The following VAV3 variants were observed in gnomAD, a reference collection of about 807,000 sequenced individuals.
The protein encoded by VAV3 is vav guanine nucleotide exchange factor 3, also known as guanine nucleotide exchange factor VAV3.
A neutral mutation model predicts 131.2 loss-of-function variants in VAV3; 94 were observed. The ratio of observed to expected loss-of-function variants is 0.72; its 90% confidence interval spans 0.61 to 0.85. The LOEUF is 0.85. Among genes scored for constraint, VAV3 ranks in the 40% least tolerant of loss-of-function variants. VAV3 has a pLI of 0.00. For missense variants in VAV3, 939 were observed against 1,002.7 expected (o/e 0.94, Z 0.86); for synonymous variants, 349 against 342.0 (o/e 1.02, Z -0.22).
intron 19 of VAV3, among the ~76,000 whole-genome samples, chr1:107,675,347 C>T (rs149688251): frequency 7.9e-5 from 12 of 152,186 alleles, no homozygotes; most frequent in African/African-American, 2.2e-4. Context: ...GAGATGGCTG[C>T]TACTATTACT....
chr1:107,913,722 A>G (rs528152255), intron 1 of VAV3, among the ~76,000 whole-genome samples: 22 of 152,342 alleles, frequency 1.4e-4, no homozygotes, highest in Non-Finnish European at 2.8e-4. Context: ...AGGAATCATC[A>G]ACCTTGGCAG....
At chr1:107,786,585 G>A (rs533940636) in intron 2 of VAV3, among the ~76,000 whole-genome samples, 4 of 152,284 alleles carry the variant, frequency 2.6e-5, no homozygotes, top group Admixed American at 6.5e-5. Flanking sequence ...TATTTCTAAC[G>A]TCATCATCAC....
At chr1:107,857,726 G>A (rs574121976) in intron 2 of VAV3, among the ~76,000 whole-genome samples, 1 of 152,258 alleles carries the variant, frequency 6.6e-6, no homozygotes, top group South Asian at 2.1e-4. Context: ...AGGGGGGGAA[G>A]TTATCGACTG....
chr1:107,855,396 C>A (rs1669423362), intron 2 of VAV3, among the ~76,000 whole-genome samples: 1 of 152,172 alleles, frequency 6.6e-6, no homozygotes, highest in Non-Finnish European at 1.5e-5. Context: ...CCCACCTCAG[C>A]CTCCTGAGTA....
intron 1 of VAV3, among the ~76,000 whole-genome samples, chr1:107,883,289 T>A (rs1368270054): frequency 6.6e-6 from 1 of 152,194 alleles, no homozygotes; most frequent in East Asian, 1.9e-4. Context: ...TGGTAATAAC[T>A]GTGCTTAACT....
intron 4 of VAV3, among the ~76,000 whole-genome samples, chr1:107,775,415 C>T (rs1456942983): frequency 1.3e-5 from 2 of 151,710 alleles, no homozygotes; most frequent in Admixed American, 1.3e-4. Flanking sequence ...CCTGTCTCTA[C>T]TAAAAATAAA....
intron 25 of VAV3, among the ~76,000 whole-genome samples, chr1:107,574,963 C>CTG (rs753834313): frequency 2.5e-3 from 199 of 81,172 alleles, no homozygotes; most frequent in African/African-American, 4.8e-3. Context: ...TTGAGTTTCT[C>CTG]TGTGTGTGTG....
chr1:107,948,200 C>T (rs1339010558), intron 1 of VAV3, among the ~76,000 whole-genome samples: 1 of 152,146 alleles, frequency 6.6e-6, no homozygotes, highest in African/African-American at 2.4e-5. Context: ...TGTACCCTCA[C>T]CTTTACGGAT....
At chr1:107,758,707 C>T (rs540036173) in intron 10 of VAV3, among the ~76,000 whole-genome samples, 4 of 152,282 alleles carry the variant, frequency 2.6e-5, no homozygotes, top group Non-Finnish European at 4.4e-5. Flanking sequence ...CTCTACCCTA[C>T]TCAGACTTCT....
intron 1 of VAV3, among the ~76,000 whole-genome samples, chr1:107,916,898 C>G (rs1160431284): frequency 1.3e-5 from 2 of 152,084 alleles, no homozygotes; most frequent in Non-Finnish European, 2.9e-5. Context: ...TTAGGGAAAA[C>G]TAGACACAAA....
At chr1:107,594,165 T>C (rs1167434863) in intron 25 of VAV3, among the ~76,000 whole-genome samples, 1 of 152,070 alleles carries the variant, frequency 6.6e-6, no homozygotes, top group Non-Finnish European at 1.5e-5. Flanking sequence ...TCTCTCCTTT[T>C]GAGTTGCTTT....
intron 19 of VAV3, among the ~76,000 whole-genome samples, chr1:107,665,750 C>T (rs1657364610): frequency 6.6e-6 from 1 of 152,162 alleles, no homozygotes; most frequent in Non-Finnish European, 1.5e-5. Flanking sequence ...CACTCTGTCC[C>T]AGCCTGATCC....
chr1:107,919,774 A>G (rs1672800977), intron 1 of VAV3, among the ~76,000 whole-genome samples: 1 of 152,188 alleles, frequency 6.6e-6, no homozygotes, highest in African/African-American at 2.4e-5. Flanking sequence ...TAACAGTTAA[A>G]CTATCTTATG....
chr1:107,699,735 CTCTT>C (rs950453993), intron 17 of VAV3, among the ~76,000 whole-genome samples: 6 of 152,198 alleles, frequency 3.9e-5, no homozygotes, highest in African/African-American at 1.2e-4. Flanking sequence ...TTCTTTCTCT[CTCTT>C]TTTTTTTTTA....
intron 1 of VAV3, among the ~76,000 whole-genome samples, chr1:107,878,076 T>A (rs1670591213): frequency 6.7e-6 from 1 of 149,430 alleles, no homozygotes; most frequent in Non-Finnish European, 1.5e-5. Flanking sequence ...GTTGAAAGAA[T>A]ACAATGAACA....
chr1:107,937,740 C>T (rs1442025705), intron 1 of VAV3, among the ~76,000 whole-genome samples: 1 of 152,112 alleles, frequency 6.6e-6, no homozygotes, highest in Non-Finnish European at 1.5e-5. Context: ...AATTAAAATT[C>T]ATAAAATTCT....
In VAV3 at chr1:107,875,091, A is replaced by C. The variant is rs375624258; in HGVS notation, c.205-74T>G. 40 of 1,253,396 alleles carry C rather than the reference A, an allele frequency of 3.2e-5. No individual in the cohort carries two copies. In the African/African-American group the frequency reaches 5.4e-4, roughly 17 times the overall value. The allele number at this position is 1,253,396 out of a possible 1,614,324, so 77.6% of individuals were successfully genotyped here. A position where few individuals can be genotyped will look rare whatever the true frequency, so the allele number is the denominator to read the frequency against. On this transcript the variant is annotated intron_variant, in intron 1 of 26. Transcript: ENST00000370056. ...CTATCCACCCTCTGTAACACTCAAG[A>C]CTGCTCTAAAAATGACAAGAAAGCA...
chr1:107,876,650 T>C (rs1042343124), intron 1 of VAV3, among the ~76,000 whole-genome samples: 5 of 152,110 alleles, frequency 3.3e-5, no homozygotes, highest in African/African-American at 9.7e-5. Context: ...CACTACTGAC[T>C]ACTTAAAAAA....
chr1:107,898,707 A>T (rs1671722354), intron 1 of VAV3, among the ~76,000 whole-genome samples: 1 of 152,210 alleles, frequency 6.6e-6, no homozygotes, highest in Non-Finnish European at 1.5e-5. Flanking sequence ...TTAAAAATGT[A>T]TCTCCTATAA....
Sources: gnomAD v4.1 joint callset for allele counts (sites outside exome capture counted in the v4.1 genomes callset) on GRCh38, gnomAD v4.1.1 for gene constraint, MANE v1.5 for transcripts, NCBI Gene and HGNC (gene_info 2026-07-23, HGNC 2026-07-21) for gene names.